Variants in DMD observed in about 807,000 individuals in gnomAD.
The protein encoded by DMD is dystrophin.
DMD carries 63 observed loss-of-function variants against 330.1 expected under a neutral mutation model. The observed-to-expected ratio is 0.19, with a 90% CI of 0.16 to 0.24. DMD has a LOEUF of 0.24. Among genes scored for constraint, DMD ranks in the 10% least tolerant of loss-of-function variants. The pLI is 1.00. For missense variants in DMD, 3,344 were observed against 2,684.1 expected, an observed-to-expected ratio of 1.25 and a Z score of -5.43; for synonymous variants, 1,223 against 959.8, an observed-to-expected ratio of 1.27 and a Z score of -5.07.
intron 30 of DMD, among the ~76,000 whole-genome samples, chrX:32,402,081 A>G (rs186871309): frequency 6.1e-4 from 68 of 111,913 alleles, no homozygotes; most frequent in Non-Finnish European, 8.7e-4. Context: ...ATTAAAATTC[A>G]TTAAATGGAA....
chrX:32,705,416 G>A (rs1207402540), intron 7 of DMD, among the ~76,000 whole-genome samples: 2 of 111,913 alleles, frequency 1.8e-5, no homozygotes, highest in East Asian at 2.8e-4. Flanking sequence ...TTATCCAGGA[G>A]AAACACAAAA....
chrX:31,275,724 T>C (rs772067288), intron 62 of DMD, among the ~76,000 whole-genome samples: 1 of 111,545 alleles, frequency 9.0e-6, no homozygotes, highest in South Asian at 3.7e-4. Context: ...GATGAAAGTC[T>C]GAACTAAGAA....
At chrX:33,268,244 T>A (rs1392150630) in intron 1 of DMD, among the ~76,000 whole-genome samples, 1 of 110,493 alleles carries the variant, frequency 9.1e-6, no homozygotes, top group African/African-American at 3.3e-5. Flanking sequence ...CCCACCTTGG[T>A]CTCCCAAAGT....
intron 11 of DMD, among the ~76,000 whole-genome samples, chrX:32,618,361 GA>G (rs2057740792): frequency 9.0e-6 from 1 of 111,716 alleles, no homozygotes; most frequent in South Asian, 3.7e-4. Flanking sequence ...GTTCTTTGCA[GA>G]AACGTAGATG....
intron 50 of DMD, among the ~76,000 whole-genome samples, chrX:31,809,160 T>G (rs2092384986): frequency 2.3e-5 from 1 of 42,762 alleles, no homozygotes; most frequent in Admixed American, 2.5e-4. Flanking sequence ...TATATAAATA[T>G]ATATGAGTTT....
intron 1 of DMD, among the ~76,000 whole-genome samples, chrX:33,306,591 G>A (rs892715480): frequency 1.8e-5 from 2 of 110,868 alleles, no homozygotes; most frequent in African/African-American, 6.6e-5. Flanking sequence ...GGGACATGGA[G>A]GGGAAAGGCA....
chrX:32,890,458 C>A (rs771181718), intron 2 of DMD, among the ~76,000 whole-genome samples: 1 of 109,845 alleles, frequency 9.1e-6, no homozygotes, highest in African/African-American at 3.3e-5. Context: ...GAGGGGGACT[C>A]ATTATCTGGG....
intron 1 of DMD, chrX:33,159,060 C>A (rs963003453): frequency 8.9e-6 from 1 of 111,866 alleles, no homozygotes; most frequent in Admixed American, 9.5e-5. Context: ...ATAGGAGTCA[C>A]ACCTACCTTC....
intron 41 of DMD, among the ~76,000 whole-genome samples, chrX:32,316,987 G>A (rs2097584818): frequency 9.0e-6 from 1 of 110,704 alleles, no homozygotes; most frequent in Non-Finnish European, 1.9e-5. Context: ...CAAAATCCAG[G>A]TACTCATTCA....
chrX:31,440,334 A>C (rs1927726005), intron 60 of DMD, among the ~76,000 whole-genome samples: 1 of 110,313 alleles, frequency 9.1e-6, no homozygotes, highest in African/African-American at 3.3e-5. Flanking sequence ...TTTAGTAGTG[A>C]TGGGGTTTCA....
chrX:32,550,588 T>C (rs228386), intron 16 of DMD, among the ~76,000 whole-genome samples: 18,299 of 109,306 alleles, frequency 0.17, 1,380 homozygotes, highest in East Asian at 0.4. Flanking sequence ...CGAGAAACAA[T>C]AGCAAACTAA....
At chrX:31,987,725 T>C (rs2095519461) in intron 44 of DMD, among the ~76,000 whole-genome samples, 1 of 111,847 alleles carries the variant, frequency 8.9e-6, no homozygotes, top group African/African-American at 3.2e-5. Context: ...AGGGAACCCT[T>C]ATGCACTGTT....
At chrX:31,984,813 T>G (rs1381011691) in intron 44 of DMD, among the ~76,000 whole-genome samples, 2 of 112,225 alleles carry the variant, frequency 1.8e-5, no homozygotes, top group African/African-American at 6.5e-5. Flanking sequence ...TATAAACATG[T>G]GGCATCCTTC....
intron 60 of DMD, among the ~76,000 whole-genome samples, chrX:31,405,115 C>T (rs989011576): frequency 1.8e-5 from 2 of 111,593 alleles, no homozygotes; most frequent in Non-Finnish European, 3.8e-5. Context: ...GCCACAGAAA[C>T]AAGACTTATT....
intron 59 of DMD, among the ~76,000 whole-genome samples, chrX:31,466,192 T>C (rs2066847464): frequency 8.9e-6 from 1 of 112,440 alleles, no homozygotes. Context: ...TTAGATTCCA[T>C]TTGTCAATTT....
intron 54 of DMD, among the ~76,000 whole-genome samples, chrX:31,640,541 G>A (rs2079678115): frequency 8.9e-6 from 1 of 112,472 alleles, no homozygotes; most frequent in African/African-American, 3.2e-5. Flanking sequence ...CTTGTCAAAT[G>A]AAAGCTTTCA....
chrX:32,708,638 G>A (rs1051979704), intron 7 of DMD, among the ~76,000 whole-genome samples: 2 of 111,516 alleles, frequency 1.8e-5, no homozygotes, highest in African/African-American at 6.5e-5. Flanking sequence ...CCTACCATGT[G>A]TCAGACATGA....
intron 43 of DMD, among the ~76,000 whole-genome samples, chrX:32,271,724 T>G (rs145089619): frequency 0.022 from 2,461 of 112,395 alleles, 63 homozygotes; most frequent in African/African-American, 0.074. Flanking sequence ...TGAGAGACTG[T>G]TCATGTATCT....
At chrX:32,319,640 T>TAC in intron 41 of DMD, among the ~76,000 whole-genome samples, 1 of 111,674 alleles carries the variant, frequency 9.0e-6, no homozygotes, top group Non-Finnish European at 1.9e-5. Context: ...GCACATTAGC[T>TAC]ACATGCTATT....
Sources: gnomAD v4.1 joint callset for allele counts (sites outside exome capture counted in the v4.1 genomes callset) on GRCh38, gnomAD v4.1.1 for gene constraint, MANE v1.5 for transcripts, NCBI Gene and HGNC (gene_info 2026-07-23, HGNC 2026-07-21) for gene names.